Variants in IPO11 observed in about 807,000 individuals in gnomAD.
The protein encoded by IPO11 is importin-11.
A neutral mutation model predicts 143.2 loss-of-function variants in IPO11; 66 were observed. The ratio of observed to expected loss-of-function variants is 0.46; its 90% CI spans 0.38 to 0.57. The LOEUF is 0.57. Among genes scored for constraint, IPO11 ranks in the 20% least tolerant of loss-of-function variants. The pLI is 0.00. For missense variants in IPO11, 1,026 were observed against 1,141.0 expected (o/e 0.90, Z 1.45); for synonymous variants, 385 against 377.8 (o/e 1.02, Z -0.22).
chr5:62,505,521 A>G (rs138472673), intron 18 of IPO11, among the ~76,000 whole-genome samples: 281 of 152,214 alleles, frequency 1.8e-3, no homozygotes, highest in African/African-American at 6.5e-3. Context: ...TAAAGCAGTG[A>G]TCTTGCTTTA....
At chr5:62,455,192 A>C (rs1473952082) in intron 5 of IPO11, among the ~76,000 whole-genome samples, 1 of 152,206 alleles carries the variant, frequency 6.6e-6, no homozygotes, top group Non-Finnish European at 1.5e-5. Flanking sequence ...TAATAAAGGA[A>C]GATGCAAAGA....
intron 5 of IPO11, among the ~76,000 whole-genome samples, chr5:62,458,073 G>C (rs374091458): frequency 1.3e-5 from 2 of 150,878 alleles, no homozygotes; most frequent in East Asian, 3.9e-4. Flanking sequence ...CGTGAATCGG[G>C]GAGGCGGAGC....
intron 27 of IPO11, among the ~76,000 whole-genome samples, chr5:62,588,290 C>T (rs534020219): frequency 6.6e-6 from 1 of 151,664 alleles, no homozygotes; most frequent in South Asian, 2.1e-4. Flanking sequence ...GTAGTGGTGC[C>T]ATCATGGTTC....
chr5:62,442,790 G>A (rs1299096894), intron 2 of IPO11, among the ~76,000 whole-genome samples, 193 bp from the exon 3 acceptor site: 1 of 152,118 alleles, frequency 6.6e-6, no homozygotes, highest in African/African-American at 2.4e-5. Context: ...CTTGAACCTG[G>A]GAGGCGGAGG....
rs1056701069 is a variant in IPO11 at position 62,614,330 on chromosome 5, A to C, written c.2763+12482A>C. Reference sequence around the variant, plus strand: ...TGAATTAAGTTGAGGTAACTTTTACATACAGACAAAGAGGAGGAAGGATCT... The same window carrying C: ...TGAATTAAGTTGAGGTAACTTTTACCTACAGACAAAGAGGAGGAAGGATCT... On this transcript the variant is annotated intron_variant, in intron 29 of 29. Coordinates refer to ENST00000325324, the MANE Select transcript of IPO11 (RefSeq NM_016338.5). Among the ~76,000 whole-genome samples, 3 of 152,246 alleles carry C rather than the reference A, an allele frequency of 2.0e-5. No individual in the cohort carries two copies. In the East Asian group the frequency reaches 5.8e-4, roughly 29 times the overall value.
chr5:62,559,397 AATG>A (rs1036009124), intron 26 of IPO11, among the ~76,000 whole-genome samples: 2 of 151,950 alleles, frequency 1.3e-5, no homozygotes, highest in African/African-American at 4.8e-5. Context: ...CATTTTTTTT[AATG>A]ATGATGATGG....
chr5:62,452,927 A>AT (rs944794619), intron 5 of IPO11, among the ~76,000 whole-genome samples: 2 of 150,064 alleles, frequency 1.3e-5, no homozygotes, highest in Non-Finnish European at 2.9e-5. Context: ...TGGTTTTTTA[A>AT]TTTTTTTTAG....
At chr5:62,506,978 A>C (rs974162477) in intron 19 of IPO11, among the ~76,000 whole-genome samples, 2 of 152,232 alleles carry the variant, frequency 1.3e-5, no homozygotes, top group Non-Finnish European at 2.9e-5. Context: ...TGGATTTCAC[A>C]GACTTAGAGT....
At chr5:62,608,003 G>A (rs1745788234) in intron 29 of IPO11, among the ~76,000 whole-genome samples, 1 of 152,074 alleles carries the variant, frequency 6.6e-6, no homozygotes, top group Non-Finnish European at 1.5e-5. Context: ...TTTTAGGTTA[G>A]AGACGGGGTT....
At chr5:62,508,799 C>T (rs530260644) in intron 19 of IPO11, among the ~76,000 whole-genome samples, 4 of 152,138 alleles carry the variant, frequency 2.6e-5, no homozygotes, top group Admixed American at 2.0e-4. Flanking sequence ...TGTTCCCCGC[C>T]CTGTGTCCAT....
At chr5:62,458,532 C>T (rs1412493082) in intron 5 of IPO11, among the ~76,000 whole-genome samples, 1 of 152,190 alleles carries the variant, frequency 6.6e-6, no homozygotes, top group Non-Finnish European at 1.5e-5. Context: ...AACTTCTGAC[C>T]TCAAATGATC....
chr5:62,579,336 T>C (rs1204961355), intron 27 of IPO11: 1 of 994,832 alleles, frequency 1.0e-6, no homozygotes, highest in Non-Finnish European at 1.6e-6. Context: ...GAAGTTATAG[T>C]ATTATAAAAA....
At chr5:62,623,352 T>A (rs1746440229) in intron 29 of IPO11, among the ~76,000 whole-genome samples, 1 of 152,182 alleles carries the variant, frequency 6.6e-6, no homozygotes, top group Admixed American at 6.5e-5. Flanking sequence ...CATTTCTAAG[T>A]GACAAAAATT....
chr5:62,450,521 T>C (rs999776339), intron 4 of IPO11, among the ~76,000 whole-genome samples: 1 of 152,240 alleles, frequency 6.6e-6, no homozygotes, highest in African/African-American at 2.4e-5. Context: ...TTCTGTGATA[T>C]TCACACAACC....
chr5:62,507,453 G>A (rs1479861756), intron 19 of IPO11, among the ~76,000 whole-genome samples: 2 of 152,138 alleles, frequency 1.3e-5, no homozygotes, highest in African/African-American at 4.8e-5. Flanking sequence ...ACTGTTTTAA[G>A]AACTCATTTT....
chr5:62,457,591 G>A (rs527787192), intron 5 of IPO11, among the ~76,000 whole-genome samples: 2 of 152,264 alleles, frequency 1.3e-5, no homozygotes, highest in South Asian at 2.1e-4. Context: ...GAAGGTCATC[G>A]TGATGAATTA....
intron 5 of IPO11, among the ~76,000 whole-genome samples, chr5:62,459,356 T>C (rs543574222): frequency 1.3e-5 from 2 of 152,010 alleles, no homozygotes; most frequent in East Asian, 3.9e-4. Flanking sequence ...TTCATTGACA[T>C]TCCTTCATTG....
intron 29 of IPO11, among the ~76,000 whole-genome samples, chr5:62,610,620 G>A (rs946253582): frequency 6.6e-6 from 1 of 152,078 alleles, no homozygotes; most frequent in African/African-American, 2.4e-5. Flanking sequence ...AATATTAAAA[G>A]CATTTCTCTG....
At chr5:62,530,841 G>T (rs1742518791) in intron 22 of IPO11, 56 bp downstream of exon 22, 3 of 1,291,490 alleles carry the variant, frequency 2.3e-6, no homozygotes, top group Middle Eastern at 1.9e-4. Context: ...TAATTGGGAG[G>T]CATTGAAACA....
Sources: allele counts gnomAD v4.1 joint callset (sites outside exome capture counted in the v4.1 genomes callset), GRCh38; gene constraint gnomAD v4.1.1; transcripts MANE v1.5; gene names NCBI Gene and HGNC (gene_info 2026-07-23, HGNC 2026-07-21).